The following RCAN1 variants were observed in gnomAD, a reference collection of about 807,000 sequenced individuals.
The protein encoded by RCAN1 is calcipressin-1.
Under a neutral mutation model 22.9 loss-of-function variants are expected in RCAN1, and 11 were observed. That is an observed-to-expected ratio of 0.48 (90% CI 0.30 to 0.79). The LOEUF is 0.79. RCAN1 is among the 30% of genes least tolerant of loss of function. The pLI is 0.06. For missense variants in RCAN1, 291 were observed against 337.8 expected, an observed-to-expected ratio of 0.86 and a Z score of 1.09; for synonymous variants, 136 against 142.3, an observed-to-expected ratio of 0.96 and a Z score of 0.32.
At chr21:34,526,826 G>T in intron 1 of RCAN1, 1 of 1,537,252 alleles carries the variant, frequency 6.5e-7, no homozygotes, top group Non-Finnish European at 8.7e-7. Flanking sequence ...AGAGGCTGTA[G>T]GTTCCTTCTT....
chr21:34,577,306 A>G (rs1388382075), intron 1 of RCAN1, among the ~76,000 whole-genome samples: 1 of 152,176 alleles, frequency 6.6e-6, no homozygotes, highest in Non-Finnish European at 1.5e-5. Context: ...GTTTTTAGAA[A>G]AATCGCTTGG....
At chr21:34,535,961 G>A (rs570928973) in intron 1 of RCAN1, among the ~76,000 whole-genome samples, 1 of 151,972 alleles carries the variant, frequency 6.6e-6, no homozygotes, top group African/African-American at 2.4e-5. Context: ...AAACAGGGAG[G>A]AAGAGTGTGT....
At chr21:34,567,666 G>A (rs2123677233) in intron 1 of RCAN1, among the ~76,000 whole-genome samples, 1 of 152,196 alleles carries the variant, frequency 6.6e-6, no homozygotes, top group South Asian at 2.1e-4. Flanking sequence ...ATGCTAATCT[G>A]AAATCTATTT....
chr21:34,573,978 G>A (rs905974584), intron 1 of RCAN1, among the ~76,000 whole-genome samples: 2 of 152,148 alleles, frequency 1.3e-5, no homozygotes, highest in Non-Finnish European at 2.9e-5. Context: ...AGCATTACTA[G>A]GAGGCCCAGA....
intron 1 of RCAN1, among the ~76,000 whole-genome samples, chr21:34,548,224 T>C (rs1343269928): frequency 6.6e-6 from 1 of 152,226 alleles, no homozygotes; most frequent in Non-Finnish European, 1.5e-5. Flanking sequence ...CCTATGTTCT[T>C]AACAACTGCA....
intron 1 of RCAN1, among the ~76,000 whole-genome samples, chr21:34,541,827 G>A (rs899418216): frequency 5.9e-5 from 9 of 152,210 alleles, no homozygotes; most frequent in East Asian, 3.9e-4. Flanking sequence ...CCAGCTACTC[G>A]GGAGGCTGAG....
chr21:34,525,379 C>A (rs748778083), intron 1 of RCAN1: 16 of 1,454,554 alleles, frequency 1.1e-5, no homozygotes, highest in Non-Finnish European at 1.4e-5. Flanking sequence ...GAGGCACGTG[C>A]GAAGGAACGC....
At chr21:34,593,550 T>A (rs774340362) in intron 1 of RCAN1, among the ~76,000 whole-genome samples, 1 of 152,238 alleles carries the variant, frequency 6.6e-6, no homozygotes, top group East Asian at 1.9e-4. Flanking sequence ...AGAGCTCTTA[T>A]GCATGGACCC....
intron 1 of RCAN1, among the ~76,000 whole-genome samples, chr21:34,586,138 G>A (rs9983424): frequency 0.17 from 26,003 of 152,116 alleles, 2,693 homozygotes; most frequent in South Asian, 0.25. Flanking sequence ...AAGAATAGAC[G>A]AAATTCAGTA....
At chr21:34,602,599 A>G (rs945059389) in intron 1 of RCAN1, among the ~76,000 whole-genome samples, 3 of 152,112 alleles carry the variant, frequency 2.0e-5, no homozygotes, top group Admixed American at 2.0e-4. Flanking sequence ...ACAGGTTGGG[A>G]TGCATGTGAG....
chr21:34,566,577 G>A (rs1420391419), intron 1 of RCAN1, among the ~76,000 whole-genome samples: 3 of 152,158 alleles, frequency 2.0e-5, no homozygotes, highest in Admixed American at 6.5e-5. Flanking sequence ...GGGCAGAGGA[G>A]GGGTCAGAAG....
Position 34,607,291 on chromosome 21 carries a change from T to C in RCAN1, c.252+7469A>G, listed in dbSNP as rs1358950454. On this transcript the variant is annotated intron_variant, in intron 1 of 3. Transcript: ENST00000313806. Reference sequence around the variant, plus strand: ...TATAGTGGCTAAAACTATTCTTTTATGGAGCTGAAGCTAAAAAGAAAAAAA... The same window carrying C: ...TATAGTGGCTAAAACTATTCTTTTACGGAGCTGAAGCTAAAAAGAAAAAAA... Among the ~76,000 whole-genome samples, 4 of 152,182 alleles carry C rather than the reference T, an allele frequency of 2.6e-5. No homozygotes were observed. In the East Asian group the frequency reaches 7.7e-4, roughly 29 times the overall value.
At chr21:34,519,679 G>A (rs897806755) in intron 3 of RCAN1, among the ~76,000 whole-genome samples, 2 of 152,020 alleles carry the variant, frequency 1.3e-5, no homozygotes, top group Admixed American at 6.6e-5. Flanking sequence ...TTACAGGCAT[G>A]AGCCACCGCG....
chr21:34,608,358 T>C (rs74846785), intron 1 of RCAN1, among the ~76,000 whole-genome samples: 270 of 152,280 alleles, frequency 1.8e-3, no homozygotes, highest in African/African-American at 6.3e-3. Context: ...GAGTGAGATT[T>C]GCACTTACCG....
chr21:34,608,731 TAACTAATAC>T (rs1359537957), intron 1 of RCAN1, among the ~76,000 whole-genome samples: 1 of 152,182 alleles, frequency 6.6e-6, no homozygotes, highest in Non-Finnish European at 1.5e-5. Flanking sequence ...TGGCAGTAGA[TAACTAATAC>T]ACAAACCTAT....
In RCAN1 at chr21:34,614,640, G is replaced by A. The variant is rs1988769114; in HGVS notation, c.252+120C>T. 2 of 1,122,222 alleles carry A rather than the reference G, an allele frequency of 1.8e-6. No homozygotes were observed. Among genetic ancestry groups the A allele is most frequent in the Non-Finnish European group, 2.2e-6 (2 of 909,984 alleles). The allele number at this position is 1,122,222 out of a possible 1,614,324, so 69.5% of individuals were successfully genotyped here. A position where few individuals can be genotyped will look rare whatever the true frequency, so the allele number is the denominator to read the frequency against. On this transcript the variant is annotated intron_variant, in intron 1 of 3. Coordinates refer to ENST00000313806, the MANE Select transcript of RCAN1 (RefSeq NM_004414.7). This position sits in a 1 kb window ranked among gnomAD's most constrained non-coding sequence, Gnocchi z 6.0. The stretch of plus-strand genomic sequence containing the variant: ...ACGGGTCCGCGGCCGAGCAGCCCGG[G>A]GGACGTCGCTGCCTCCCCGCCCCGC...
intron 1 of RCAN1, among the ~76,000 whole-genome samples, chr21:34,596,179 T>A (rs1336330801): frequency 6.6e-6 from 1 of 152,206 alleles, no homozygotes; most frequent in Admixed American, 6.5e-5. Flanking sequence ...ATGTCCATGC[T>A]ACCAGGGAGC....
At chr21:34,567,334 A>G (rs1987058282) in intron 1 of RCAN1, among the ~76,000 whole-genome samples, 1 of 152,188 alleles carries the variant, frequency 6.6e-6, no homozygotes, top group Non-Finnish European at 1.5e-5. Context: ...ATCTCTATTA[A>G]AAATACAAAA....
chr21:34,612,644 A>G lies in RCAN1; in HGVS notation c.252+2116T>C, dbSNP rs572119015. Among the ~76,000 whole-genome samples the G allele has an allele frequency of 2.4e-4, 37 of 152,330 alleles. No individual in the cohort carries two copies. The South Asian group carries it at 7.5e-3, about 31-fold the overall frequency. ...CCTAGCTGTCCTTTGAGTTCTGCCA[A>G]TGAAATCAGAAGCCTGAGAATTTCT... On this transcript the variant is annotated intron_variant, in intron 1 of 3. Transcript: ENST00000313806.
Sources: allele counts gnomAD v4.1 joint callset (sites outside exome capture counted in the v4.1 genomes callset), GRCh38; gene constraint gnomAD v4.1.1; non-coding constraint Gnocchi (gnomAD v3.1); transcripts MANE v1.5; gene names NCBI Gene and HGNC (gene_info 2026-07-23, HGNC 2026-07-21).